SQOR: variants seen among roughly 807,000 people sequenced by gnomAD.
The protein encoded by SQOR is sulfide quinone oxidoreductase.
SQOR carries 39 observed loss-of-function variants against 48.6 expected under a neutral mutation model. That is an observed-to-expected ratio of 0.80 (90% CI 0.62 to 1.05). The LOEUF is 1.05. Ranked by LOEUF, SQOR falls within the 50% of genes least tolerant of loss-of-function variation. The probability of loss-of-function intolerance (pLI) is 0.00; values close to 1 mark genes in which losing one functional copy is unlikely to be tolerated. For missense variants in SQOR, 561 were observed against 559.9 expected (o/e 1.00, Z -0.02); for synonymous variants, 220 against 206.2 (o/e 1.07, Z -0.57).
intron 6 of SQOR, among the ~76,000 whole-genome samples, chr15:45,679,037 C>T (rs911017612): frequency 1.3e-5 from 2 of 152,206 alleles, no homozygotes; most frequent in African/African-American, 2.4e-5. Context: ...ATGAACTTAA[C>T]TTTGTTAGTA....
Position 45,682,679 on chromosome 15 carries a change from A to G in SQOR, c.1048+18A>G. ...TGCAGTAGGTAAGTCAACCAGCTCC[A>G]TTTCTCCCTTTCTCAAAAATATGTC... On this transcript the variant is annotated intron_variant, in intron 7 of 9. Coordinates refer to ENST00000260324, the MANE Select transcript of SQOR (RefSeq NM_021199.4). The G allele has an allele frequency of 6.2e-7, 1 of 1,610,116 alleles. No individual in the cohort carries two copies. The highest frequency in any genetic ancestry group is 8.5e-7 in the Non-Finnish European group (1 of 1,176,968).
chr15:45,652,065 G>A (rs185167087), intron 1 of SQOR, among the ~76,000 whole-genome samples: 1 of 151,774 alleles, frequency 6.6e-6, no homozygotes, highest in Non-Finnish European at 1.5e-5. Flanking sequence ...GTAGACAGGG[G>A]GTTTTGATAT....
Position 45,689,044 on chromosome 15 carries a change from T to C in SQOR, c.1122T>C (p.Asp374=). The C allele has an allele frequency of 3.1e-6, 5 of 1,613,780 alleles. No homozygotes were observed. The highest frequency in any genetic ancestry group is 4.2e-6 in the Non-Finnish European group (5 of 1,179,862). ...MKNQTPTKKY[D]GYTSCPLVTG... is the part of the protein sequence containing the mutation. The stretch of plus-strand genomic sequence containing the variant: ...AGTCTGATTTACAATTTTAGTATGA[T>C]GGCTACACATCATGTCCACTGGTGA... The change falls in exon 9 of 10, where the codon GAT becomes GAC. Residue 374 remains aspartate (D), a synonymous_variant. Transcript: ENST00000260324.
intron 6 of SQOR, among the ~76,000 whole-genome samples, chr15:45,678,476 T>A (rs1442092346): frequency 6.6e-6 from 1 of 152,202 alleles, no homozygotes; most frequent in Non-Finnish European, 1.5e-5. Context: ...TTAATTATTA[T>A]GGTGCTCAAA....
rs1448028316 is a variant in SQOR, at chr15:45,676,263, G to T, written c.817G>T (p.Ala273Ser). The T allele has an allele frequency of 4.3e-6, 7 of 1,613,938 alleles. No homozygotes were observed. The highest frequency in any genetic ancestry group is 2.7e-5 in the African/African-American group (2 of 74,888). ...LIEVRADKQE[A>S]VFENLDKPGE... The stretch of plus-strand genomic sequence containing the variant: ...TGAAGTCCGAGCCGATAAACAAGAG[G>T]CTGTATTTGAGAACCTGGACAAACC... Residue 273 changes from alanine (A) to serine (S), a missense_variant, in exon 6 of 10, where the codon GCT becomes TCT. By Grantham distance (99) the Ala-to-Ser change is moderately conservative. Coordinates refer to ENST00000260324, the MANE Select transcript of SQOR (RefSeq NM_021199.4).
chr15:45,677,036 G>C (rs1165105064), intron 6 of SQOR, among the ~76,000 whole-genome samples: 3 of 131,486 alleles, frequency 2.3e-5, no homozygotes, highest in South Asian at 5.5e-4. Context: ...GTGAGACTCC[G>C]TCTAAAAAAA....
chr15:45,656,383 T>C (rs1187975984), intron 1 of SQOR, among the ~76,000 whole-genome samples: 1 of 152,150 alleles, frequency 6.6e-6, no homozygotes, highest in African/African-American at 2.4e-5. Flanking sequence ...CACTGTGGCC[T>C]TCACCTCCCG....
intron 3 of SQOR, among the ~76,000 whole-genome samples, chr15:45,667,877 G>C (rs1889862431): frequency 6.6e-6 from 1 of 150,984 alleles, no homozygotes; most frequent in Non-Finnish European, 1.5e-5. Flanking sequence ...TAACGGGCCT[G>C]GTGCCCTTTC....
chr15:45,667,767 C>T (rs1889859527), intron 3 of SQOR, among the ~76,000 whole-genome samples: 1 of 151,998 alleles, frequency 6.6e-6, no homozygotes, highest in African/African-American at 2.4e-5. Context: ...CCTCTTGTTT[C>T]CAGTGGTCAT....
Position 45,689,148 on chromosome 15 carries a change from A to G in SQOR, c.1226A>G (p.Lys409Arg). ...GAAACCTTCCCCTTTGATCAAAGCA[A>G]AGAGCGCCTTTCCATGTATCTCATG... ...PLETFPFDQS[K>R]ERLSMYLMKA... Residue 409 changes from lysine to arginine, a missense_variant, in exon 9 of 10, where the codon AAA becomes AGA. Physicochemically the swap from Lys to Arg is conservative, Grantham distance 26. Transcript: ENST00000260324. The G allele has an allele frequency of 1.9e-6, 3 of 1,614,132 alleles. No individual in the cohort carries two copies. Among genetic ancestry groups the G allele is most frequent in the Non-Finnish European group, 2.5e-6 (3 of 1,180,022 alleles).
At chr15:45,656,282 G>A (rs149894576) in intron 1 of SQOR, among the ~76,000 whole-genome samples, 45 of 152,160 alleles carry the variant, frequency 3.0e-4, no homozygotes, top group African/African-American at 1.1e-3. Context: ...TCATCTAAAG[G>A]AAGATTTTAT....
intron 6 of SQOR, among the ~76,000 whole-genome samples, chr15:45,678,485 A>G (rs1398721343): frequency 1.3e-5 from 2 of 151,992 alleles, no homozygotes; most frequent in Non-Finnish European, 2.9e-5. Context: ...ATGGTGCTCA[A>G]ATTGTTTTGG....
chr15:45,673,489 G>A, intron 4 of SQOR, 118 bp from the exon 5 acceptor site: 1 of 1,116,558 alleles, frequency 9.0e-7, no homozygotes, highest in South Asian at 1.5e-5. Context: ...AGGCATGTGG[G>A]TATTGGAGGG....
intron 1 of SQOR, among the ~76,000 whole-genome samples, chr15:45,650,587 C>A (rs573375279): frequency 2.0e-5 from 3 of 152,344 alleles, no homozygotes; most frequent in African/African-American, 4.8e-5. Flanking sequence ...CCACCGCTCG[C>A]TCGGGCAGCC....
intron 3 of SQOR, among the ~76,000 whole-genome samples, chr15:45,667,664 C>T (rs1889857166): frequency 6.6e-6 from 1 of 151,982 alleles, no homozygotes; most frequent in Non-Finnish European, 1.5e-5. Flanking sequence ...GTTTTTAGTC[C>T]TTAGACATAA....
chr15:45,653,575 G>C (rs1045814517), intron 1 of SQOR, among the ~76,000 whole-genome samples: 1 of 152,116 alleles, frequency 6.6e-6, no homozygotes, highest in Non-Finnish European at 1.5e-5. Context: ...TCAATTTCCA[G>C]CCCCATTCTC....
intron 1 of SQOR, among the ~76,000 whole-genome samples, chr15:45,657,785 T>TTAGTCATTTTATTAAGA (rs1889640491): frequency 2.6e-5 from 4 of 151,962 alleles, no homozygotes; most frequent in African/African-American, 9.7e-5. Context: ...TTTTATTAAG[T>TTAGTCATTTTATTAAGA]AGTTAGTAAC....
chr15:45,683,607 G>A (rs1469025408), intron 7 of SQOR, among the ~76,000 whole-genome samples: 2 of 152,140 alleles, frequency 1.3e-5, no homozygotes, highest in African/African-American at 2.4e-5. Flanking sequence ...CTGTGGAACA[G>A]ATTGTGTTAC....
intron 4 of SQOR, among the ~76,000 whole-genome samples, chr15:45,672,862 A>G (rs1889968959): frequency 6.6e-6 from 1 of 152,236 alleles, no homozygotes; most frequent in Non-Finnish European, 1.5e-5. Flanking sequence ...CCCATTTCAC[A>G]GATGGTGAAC....
Sources: gnomAD v4.1 joint callset for allele counts (sites outside exome capture counted in the v4.1 genomes callset) on GRCh38, gnomAD v4.1.1 for gene constraint, MANE v1.5 for transcripts, NCBI Gene and HGNC (gene_info 2026-07-23, HGNC 2026-07-21) for gene names.